The following KIAA0753 variants were observed in gnomAD, a reference collection of about 807,000 sequenced individuals.
The protein encoded by KIAA0753 is KIAA0753, also known as protein moonraker.
KIAA0753 carries 114 observed loss-of-function variants against 116.9 expected under a neutral mutation model. The ratio of observed to expected loss-of-function variants is 0.98; its 90% CI spans 0.84 to 1.14. The LOEUF (loss-of-function observed/expected upper bound fraction) is 1.14, where lower values mean the gene tolerates loss of function less well. Ranked by LOEUF, KIAA0753 falls within the 50% of genes most tolerant of loss-of-function variation. KIAA0753 has a pLI of 0.00. For missense variants in KIAA0753, 1,156 were observed against 1,172.4 expected (o/e 0.99, Z 0.20); for synonymous variants, 405 against 413.1 (o/e 0.98, Z 0.24).
Position 6,589,769 on chromosome 17 carries a change from T to C in KIAA0753, c.2786+10A>G. On this transcript the variant is annotated intron_variant, in intron 18 of 18. Coordinates refer to ENST00000361413, the MANE Select transcript of KIAA0753 (RefSeq NM_014804.3). Reference sequence around the variant, plus strand: ...GGTTCCTAAACAGAGGACCGTAACATTTTACTGACCTTTCAGCTATCAGCC... The same window carrying C: ...GGTTCCTAAACAGAGGACCGTAACACTTTACTGACCTTTCAGCTATCAGCC... 6.3e-7 allele frequency: 1 copy of C among 1,588,436 alleles called. No homozygotes were observed. The highest frequency in any genetic ancestry group is 8.5e-7 in the Non-Finnish European group (1 of 1,171,954).
intron 1 of KIAA0753, 149 bp downstream of exon 1, chr17:6,640,488 C>A (rs1213617103): frequency 6.6e-6 from 1 of 152,272 alleles, no homozygotes; most frequent in Non-Finnish European, 1.5e-5. Context: ...AACCCGCCCC[C>A]AGTCCCAGGC....
chr17:6,632,099 A>G (rs1972052585), intron 2 of KIAA0753, among the ~76,000 whole-genome samples: 1 of 151,992 alleles, frequency 6.6e-6, no homozygotes, highest in South Asian at 2.1e-4. Context: ...ATGGGGTTTC[A>G]CCATGTTGGC....
At chr17:6,603,071 C>G (rs1969978459) in intron 12 of KIAA0753, among the ~76,000 whole-genome samples, 1 of 151,936 alleles carries the variant, frequency 6.6e-6, no homozygotes, top group African/African-American at 2.4e-5. Flanking sequence ...AAAATTTAAA[C>G]ACTGGCAGAA....
chr17:6,600,421 C>T lies in KIAA0753; in HGVS notation c.2047G>A (p.Ala683Thr), dbSNP rs1181121012. Reference protein sequence around the residue: ...ATHLADKVEEAVLDRLKPLLV... With the variant: ...ATHLADKVEETVLDRLKPLLV... The stretch of plus-strand genomic sequence containing the variant: ...AGAGGCTTCAAACGATCCAGAACTG[C>T]CTCCTCTACCTTGTCTGCTAAGTGG... Residue 683 changes from alanine to threonine, a missense_variant, in exon 13 of 19, where the codon GCA (alanine) becomes ACA (threonine). Coordinates refer to ENST00000361413, the MANE Select transcript of KIAA0753 (RefSeq NM_014804.3). 6.2e-7 allele frequency: 1 copy of T among 1,613,786 alleles called. No individual in the cohort carries two copies. Among genetic ancestry groups the T allele is most frequent in the Non-Finnish European group, 8.5e-7 (1 of 1,179,840 alleles).
Position 6,612,098 on chromosome 17 carries a change from C to T in KIAA0753, c.1366G>A (p.Glu456Lys). The T allele has an allele frequency of 1.9e-6, 3 of 1,614,174 alleles. No homozygotes were observed. Among genetic ancestry groups the T allele is most frequent in the Non-Finnish European group, 2.5e-6 (3 of 1,180,002 alleles). The change falls in exon 8 of 19, where the codon GAG (glutamate) becomes AAG (lysine). Residue 456 changes from glutamate (E) to lysine (K), a missense_variant. Glu to Lys is a moderately conservative substitution (Grantham distance 56, BLOSUM62 1). Transcript: ENST00000361413. ...ELPETQRLQSELDVLDADIVL... is the reference protein window; with the variant it reads ...ELPETQRLQSKLDVLDADIVL... ...ATATCCGCATCTAATACATCAAGCT[C>T]ACTCTGCAACCTCTGGGTCTCCGGA...
At chr17:6,608,581 CG>C in intron 9 of KIAA0753, 117 bp from the exon 10 acceptor site, 4 of 487,026 alleles carry the variant, frequency 8.2e-6, no homozygotes, top group Non-Finnish European at 1.1e-5. Context: ...ATCTGTAGCA[CG>C]GGGCCCTACA....
chr17:6,607,421 T>C, intron 10 of KIAA0753, 151 bp from the exon 11 acceptor site: 1 of 618,836 alleles, frequency 1.6e-6, no homozygotes. Context: ...AATCTCTCCG[T>C]ACCCCTAAAG....
intron 6 of KIAA0753, among the ~76,000 whole-genome samples, chr17:6,621,882 T>C (rs1971351282): frequency 6.6e-6 from 1 of 152,232 alleles, no homozygotes; most frequent in South Asian, 2.1e-4. Flanking sequence ...TTCTGAGGTC[T>C]GCATTTGACA....
intron 18 of KIAA0753, among the ~76,000 whole-genome samples, chr17:6,586,681 A>G (rs1968602805): frequency 1.3e-5 from 2 of 152,210 alleles, no homozygotes; most frequent in East Asian, 1.9e-4. Flanking sequence ...AATTCTTAAG[A>G]GTTTGCTTTC....
rs757178385 is a variant in KIAA0753 at position 6,628,278 on chromosome 17, G to GT, written c.556dup (p.Thr186AsnfsTer10). The GT allele has an allele frequency of 2.5e-6, 4 of 1,614,096 alleles. No homozygotes were observed. The highest frequency in any genetic ancestry group is 2.5e-6 in the Non-Finnish European group (3 of 1,180,054). ...ATGGGTGGGTGGCGAATTTGGCACA[G>GT]TAAGATCTGACTGGCCTGGATGAGA... On this transcript the variant is annotated frameshift_variant, in exon 3 of 19. Transcript: ENST00000361413. LOFTEE classifies it high-confidence loss of function.
In KIAA0753 at chr17:6,599,316, A is replaced by G; in HGVS notation, c.2093T>C (p.Val698Ala). The change falls in exon 14 of 19, where the codon GTC (valine) becomes GCC (alanine). Residue 698 changes from valine to alanine, a missense_variant. By Grantham distance (64) the Val-to-Ala change is moderately conservative. Coordinates refer to ENST00000361413, the MANE Select transcript of KIAA0753 (RefSeq NM_014804.3). ...LKPLLVKAQR[V>A]NSTTEANIHL... ...AATATTTGCTTCTGTAGTAGAATTGACTCTCTATTAAAACAGACAAATACA... is the reference window on the plus strand; with the variant it reads ...AATATTTGCTTCTGTAGTAGAATTGGCTCTCTATTAAAACAGACAAATACA... 6.2e-7 allele frequency: 1 copy of G among 1,607,706 alleles called. No individual in the cohort carries two copies. Among genetic ancestry groups the G allele is most frequent in the Admixed American group, 1.7e-5 (1 of 59,984 alleles).
intron 8 of KIAA0753, among the ~76,000 whole-genome samples, chr17:6,610,873 C>A: frequency 6.6e-6 from 1 of 152,102 alleles, no homozygotes; most frequent in East Asian, 1.9e-4. Context: ...TGTGGAGAGG[C>A]GCACCCATCT....
At chr17:6,594,859 T>C (rs1245262037) in intron 16 of KIAA0753, 113 bp downstream of exon 16, 24 of 745,954 alleles carry the variant, frequency 3.2e-5, no homozygotes, top group Non-Finnish European at 4.9e-5. Context: ...ATGTTAATTG[T>C]AGAATCTAGA....
chr17:6,600,538 G>C, intron 12 of KIAA0753, 80 bp from the exon 13 acceptor site: 2 of 1,085,360 alleles, frequency 1.8e-6, no homozygotes, highest in Non-Finnish European at 2.8e-6. Flanking sequence ...CACTCCAGGA[G>C]AAGGGAAATA....
chr17:6,593,875 AC>A (rs750717137), intron 16 of KIAA0753, among the ~76,000 whole-genome samples: 16 of 152,206 alleles, frequency 1.1e-4, no homozygotes, highest in Admixed American at 2.6e-4. Context: ...ACAGAGTGAA[AC>A]TGTGACTCAA....
intron 12 of KIAA0753, 135 bp from the exon 13 acceptor site, chr17:6,600,593 C>T: frequency 1.6e-6 from 1 of 630,404 alleles, no homozygotes; most frequent in Non-Finnish European, 2.7e-6. Flanking sequence ...ATATCAATCT[C>T]CTGGGGATCT....
In KIAA0753 at chr17:6,628,514, A is replaced by C. The variant is rs780747445; in HGVS notation, c.321T>G (p.Asp107Glu). 6.2e-7 allele frequency: 1 copy of C among 1,614,204 alleles called. No homozygotes were observed. Residue 107 changes from aspartate (D) to glutamate (E), a missense_variant, in exon 3 of 19, where the codon GAT (aspartate) becomes GAG (glutamate). Physicochemically the swap from Asp to Glu is conservative, Grantham distance 45. Transcript: ENST00000361413. ...GTTTTTCAAATTGTCTTCGTTTCAC[A>C]TCTCTTCTGGCTAGGTGGACAGCAT... ...LSYAVHLARR[D>E]VKRRQFEKHI...
intron 12 of KIAA0753, chr17:6,600,858 CA>C: frequency 5.9e-6 from 1 of 169,480 alleles, no homozygotes; most frequent in South Asian, 1.3e-4. Context: ...CTAAAACAAC[CA>C]TAGAGTTAGC....
chr17:6,616,964 A>T (rs551234690), intron 7 of KIAA0753, among the ~76,000 whole-genome samples: 4 of 152,150 alleles, frequency 2.6e-5, no homozygotes, highest in African/African-American at 7.2e-5. Context: ...TTGTTCCTGT[A>T]ATGAGTTTTA....
Sources: allele counts gnomAD v4.1 joint callset (sites outside exome capture counted in the v4.1 genomes callset), GRCh38; gene constraint gnomAD v4.1.1; transcripts MANE v1.5; gene names NCBI Gene and HGNC (gene_info 2026-07-23, HGNC 2026-07-21).